The following KLF10 variants were observed in gnomAD, a reference collection of about 807,000 sequenced individuals.
The protein encoded by KLF10 is Krueppel-like factor 10.
Under a neutral mutation model 31.6 loss-of-function variants are expected in KLF10, and 17 were observed. The ratio of observed to expected loss-of-function variants is 0.54; its 90% CI spans 0.37 to 0.81. The LOEUF (loss-of-function observed/expected upper bound fraction) is 0.81, where lower values mean the gene tolerates loss of function less well. KLF10 is among the 30% of genes least tolerant of loss of function. The pLI is 0.00. For synonymous variants in KLF10, 239 were observed against 215.1 expected (o/e 1.11, Z -0.97); for missense variants, 525 against 598.1 (o/e 0.88, Z 1.27).
Position 102,652,172 on chromosome 8 carries a change from G to C in KLF10, c.262C>G (p.Pro88Ala), listed in dbSNP as rs778715153. ...LPGTPDFHTI[P>A]AFCLTPPYSP... is the part of the protein sequence containing the mutation. ...AAAACAATAATACTTACAAATGCTG[G>C]GATTGTATGAAAATCAGGTGTTCCC... Residue 88 changes from proline to alanine, a missense_variant, in exon 2 of 4, where the codon CCA becomes GCA. Pro to Ala is a conservative substitution (Grantham distance 27, BLOSUM62 -1). Around this residue, in one of 3 missense-constraint regions of KLF10, gnomAD observed 434 missense variants for 450.7 expected, o/e 0.96. Transcript: ENST00000285407. 5 of 1,588,754 alleles carry C rather than the reference G, an allele frequency of 3.1e-6. No individual in the cohort carries two copies. The African/African-American group carries it at 6.7e-5, about 21-fold the overall frequency.
chr8:102,653,999 G>T, intron 1 of KLF10: 4 of 984,954 alleles, frequency 4.1e-6, no homozygotes, highest in Non-Finnish European at 4.8e-6. Flanking sequence ...AACATTCCTC[G>T]CCGCTCGCAC....
intron 1 of KLF10, chr8:102,653,340 C>T (rs772684705): frequency 5.3e-6 from 4 of 758,790 alleles, no homozygotes; most frequent in Non-Finnish European, 7.6e-6. Flanking sequence ...AAAGTAGAAT[C>T]TATTTTAATT....
chr8:102,655,438 T>TC, intron 1 of KLF10, 128 bp downstream of exon 1: 5 of 1,224,516 alleles, frequency 4.1e-6, no homozygotes, highest in East Asian at 2.3e-5. Flanking sequence ...GCCCTTTCCT[T>TC]CCCCACGACT....
intron 1 of KLF10, chr8:102,653,914 G>A (rs1209339333): frequency 1.5e-5 from 15 of 986,140 alleles, no homozygotes; most frequent in South Asian, 4.5e-5. Context: ...CGGACGGCGG[G>A]GGAGATCCTA....
chr8:102,650,150 G>A lies in KLF10; in HGVS notation c.1425C>T (p.Thr475=), dbSNP rs1305666849. 8.7e-6 allele frequency: 14 copies of A among 1,614,060 alleles called. No individual in the cohort carries two copies. The East Asian group carries it at 2.2e-4, about 26-fold the overall frequency. ...SKLNDIALPP[T]PAPTQ is the part of the protein sequence containing the mutation. ...CGGTCTGTCACTGTGTGGGAGCAGG[G>A]GTTGGAGGTAGAGCAATGTCATTTA... Residue 475 remains threonine, a synonymous_variant, in exon 4 of 4, where the codon ACC becomes ACT. Transcript: ENST00000285407.
chr8:102,650,971 AG>A (rs1827194259), intron 3 of KLF10, among the ~76,000 whole-genome samples, 177 bp downstream of exon 3: 1 of 152,194 alleles, frequency 6.6e-6, no homozygotes, highest in South Asian at 2.1e-4. Flanking sequence ...CTAAAGTGCA[AG>A]GATTATGGCA....
At position 102,653,510 on chromosome 8, in the gene KLF10, C is replaced by G. The variant is rs370036000; in HGVS notation, c.37-1113G>C. On this transcript the variant is annotated intron_variant, in intron 1 of 3. Transcript: ENST00000285407. ...CCATTAAAAGAAAACTGTCCAGACT[C>G]GTTTGGTCAAAGTAGAGATTGTGTA... The G allele has an allele frequency of 1.4e-5, 21 of 1,533,024 alleles. No homozygotes were observed. The African/African-American group carries it at 2.9e-4, about 21-fold the overall frequency. 95.0% of individuals were successfully genotyped at this position (1,533,024 alleles called of 1,614,324 possible).
At chr8:102,653,708 AGC>A in intron 1 of KLF10, 1 of 1,223,462 alleles carries the variant, frequency 8.2e-7, no homozygotes, top group South Asian at 3.0e-5. Flanking sequence ...TGCAATGGAC[AGC>A]GCGCGTGTGT....
chr8:102,649,984 A>C lies in KLF10; in HGVS notation c.*148T>G, dbSNP rs1827166144. 1 of 1,017,426 alleles carries C rather than the reference A, an allele frequency of 9.8e-7. No individual in the cohort carries two copies. The highest frequency in any genetic ancestry group is 1.7e-5 in the South Asian group (1 of 58,830). The allele number at this position is 1,017,426 out of a possible 1,614,324, so 63.0% of individuals were successfully genotyped here. A position where few individuals can be genotyped will look rare whatever the true frequency, so the allele number is the denominator to read the frequency against. On this transcript the variant is annotated 3_prime_UTR_variant, in exon 4 of 4. Coordinates refer to ENST00000285407, the MANE Select transcript of KLF10 (RefSeq NM_005655.4). ...GTGGCCGAAGCCCTTTTAGTCACCT[A>C]ACCCAGGCGGGGCCTTCGTGCCAGG... is the stretch of plus-strand genomic sequence containing the variant.
chr8:102,650,414 A>G, intron 3 of KLF10, 23 bp from the exon 4 acceptor site: 1 of 1,602,248 alleles, frequency 6.2e-7, no homozygotes, highest in South Asian at 1.1e-5. Flanking sequence ...CATACAAATC[A>G]TTATTATGCA....
chr8:102,655,131 A>G (rs949314925), intron 1 of KLF10, among the ~76,000 whole-genome samples: 19 of 151,990 alleles, frequency 1.3e-4, no homozygotes, highest in African/African-American at 4.6e-4. Context: ...CGCGTTCCTG[A>G]GCCAGACCGG....
chr8:102,650,074 A>G lies in KLF10; in HGVS notation c.*58T>C. The G allele has an allele frequency of 6.4e-7, 1 of 1,574,652 alleles. No individual in the cohort carries two copies. Among genetic ancestry groups the G allele is most frequent in the Non-Finnish European group, 8.6e-7 (1 of 1,157,754 alleles). The stretch of plus-strand genomic sequence containing the variant: ...AGACTTGCAGTGGAAGCATTTTTAC[A>G]TCACCACTGGCTCCCGCTGAGACCA... On this transcript the variant is annotated 3_prime_UTR_variant, in exon 4 of 4. Coordinates refer to ENST00000285407, the MANE Select transcript of KLF10 (RefSeq NM_005655.4).
chr8:102,654,819 GC>G (rs1178839404), intron 1 of KLF10, among the ~76,000 whole-genome samples: 4 of 146,550 alleles, frequency 2.7e-5, no homozygotes, highest in African/African-American at 1.0e-4. Flanking sequence ...CCACCCTCCT[GC>G]CCCAGAGGCG....
chr8:102,652,073 G>A lies in KLF10; in HGVS notation c.271-12C>T, dbSNP rs1316592478. ...GGTGGAGTCAAACACTAAAGAAAAG[G>A]GAAATACATAGCATGAGAAATCTAC... is the stretch of plus-strand genomic sequence containing the variant. On this transcript the variant is annotated splice_polypyrimidine_tract_variant and intron_variant, in intron 2 of 3. Coordinates refer to ENST00000285407, the MANE Select transcript of KLF10 (RefSeq NM_005655.4). 8 of 1,564,244 alleles carry A rather than the reference G, an allele frequency of 5.1e-6. No homozygotes were observed. Among genetic ancestry groups the A allele is most frequent in the Middle Eastern group, 1.7e-4 (1 of 5,850 alleles).
intron 1 of KLF10, among the ~76,000 whole-genome samples, chr8:102,654,565 G>T (rs1323794877): frequency 4.0e-5 from 6 of 150,966 alleles, no homozygotes; most frequent in African/African-American, 1.5e-4. Context: ...CCGGGAACCC[G>T]GCCGAGCCCT....
In KLF10 at chr8:102,653,692, G is replaced by A. The variant is rs967900792; in HGVS notation, c.37-1295C>T. On this transcript the variant is annotated intron_variant, in intron 1 of 3. Transcript: ENST00000285407. ...ATTGCATAATCGCGCCCGCCTTTAT[G>A]TAAGCTGCAATGGACAGCGCGCGTG... The A allele has an allele frequency of 2.4e-5, 31 of 1,265,706 alleles. No homozygotes were observed. The Middle Eastern group carries it at 1.1e-3, about 46-fold the overall frequency. The allele number at this position is 1,265,706 out of a possible 1,614,324, so 78.4% of individuals were successfully genotyped here.
At chr8:102,653,383 C>A in intron 1 of KLF10, 2 of 1,114,140 alleles carry the variant, frequency 1.8e-6, no homozygotes, top group Admixed American at 3.3e-5. Flanking sequence ...AAAATAACAG[C>A]ACAGGTTTTG....
intron 1 of KLF10, among the ~76,000 whole-genome samples, chr8:102,654,530 G>A (rs1014967785): frequency 1.9e-4 from 28 of 151,182 alleles, no homozygotes; most frequent in Non-Finnish European, 3.7e-4. Flanking sequence ...AAACCCGGCC[G>A]CCGCCCTCCT....
chr8:102,653,554 C>A, intron 1 of KLF10: 4 of 1,480,796 alleles, frequency 2.7e-6, no homozygotes, highest in Non-Finnish European at 2.7e-6. Flanking sequence ...AAAAAACATT[C>A]TTTACGTTGC....
Sources: gnomAD v4.1 joint callset for allele counts (sites outside exome capture counted in the v4.1 genomes callset) on GRCh38, gnomAD v4.1.1 for gene constraint, gnomAD v4.1.1 regional missense constraint, MANE v1.5 for transcripts, NCBI Gene and HGNC (gene_info 2026-07-23, HGNC 2026-07-21) for gene names.